The following ATP2B2 variants were observed in gnomAD, a reference collection of about 807,000 sequenced individuals.
ATP2B2 encodes the protein ATPase plasma membrane Ca2+ transporting 2, also known as plasma membrane calcium-transporting ATPase 2.
A neutral mutation model predicts 120.0 loss-of-function variants in ATP2B2; 15 were observed. The ratio of observed to expected loss-of-function variants is 0.12; its 90% CI spans 0.08 to 0.19. The LOEUF (loss-of-function observed/expected upper bound fraction) is 0.19. Ranked by LOEUF, ATP2B2 falls within the 10% of genes least tolerant of loss-of-function variation. ATP2B2 has a pLI of 1.00. For missense variants in ATP2B2, 1,045 were observed against 1,719.8 expected (o/e 0.61, Z 6.94); for synonymous variants, 694 against 700.3 (o/e 0.99, Z 0.14).
rs188972519 is a variant in ATP2B2, at chr3:10,598,718, A to G, written c.-415+21199T>C. Among the ~76,000 whole-genome samples, 335 of 152,362 alleles carry G rather than the reference A, an allele frequency of 2.2e-3. 7 individuals carry two copies. The highest frequency in any genetic ancestry group is 0.019 in the Admixed American group (295 of 15,306). ...AGTAAACAAGGAAGCGAGCAAACAC[A>G]TGGAAACCTGAGTCTGCACGGAATA... On this transcript the variant is annotated intron_variant, in intron 2 of 21. Transcript: ENST00000646379.
intron 2 of ATP2B2, among the ~76,000 whole-genome samples, chr3:10,424,165 T>A (rs2063076847): frequency 6.6e-6 from 1 of 152,194 alleles, no homozygotes; most frequent in Non-Finnish European, 1.5e-5. Flanking sequence ...ACACGGGCCT[T>A]GCATTTCCAT....
At chr3:10,363,747 G>A (rs1481859944) in intron 12 of ATP2B2, among the ~76,000 whole-genome samples, 1 of 152,166 alleles carries the variant, frequency 6.6e-6, no homozygotes, top group Non-Finnish European at 1.5e-5. Context: ...GTGAGGATGT[G>A]GAGAAACAGG....
At chr3:10,551,291 G>A (rs1231304193) in intron 2 of ATP2B2, among the ~76,000 whole-genome samples, 3 of 152,220 alleles carry the variant, frequency 2.0e-5, no homozygotes, top group African/African-American at 4.8e-5. Context: ...GATGAGAGAC[G>A]CAGCCTGCAG....
At chr3:10,615,868 A>T (rs1178589369) in intron 2 of ATP2B2, among the ~76,000 whole-genome samples, 1 of 151,982 alleles carries the variant, frequency 6.6e-6, no homozygotes, top group Non-Finnish European at 1.5e-5. Context: ...TTCAGGATGA[A>T]CTATTTTGCT....
intron 18 of ATP2B2, among the ~76,000 whole-genome samples, chr3:10,344,738 G>A (rs1232266456): frequency 6.6e-6 from 1 of 152,160 alleles, no homozygotes; most frequent in Non-Finnish European, 1.5e-5. Flanking sequence ...GTAAAATGAG[G>A]ATCATCACAG....
chr3:10,688,441 T>C (rs1389179926), intron 1 of ATP2B2, among the ~76,000 whole-genome samples: 3 of 152,198 alleles, frequency 2.0e-5, no homozygotes, highest in Non-Finnish European at 4.4e-5. Flanking sequence ...TTGTCTTACT[T>C]CATTCAACAT....
At chr3:10,695,153 A>G (rs926896892) in intron 1 of ATP2B2, among the ~76,000 whole-genome samples, 19 of 150,846 alleles carry the variant, frequency 1.3e-4, no homozygotes, top group Non-Finnish European at 2.7e-4. Context: ...ATGGACTTAC[A>G]GTTCCACGTG....
chr3:10,679,062 A>G (rs1343424862), intron 1 of ATP2B2, among the ~76,000 whole-genome samples: 2 of 152,122 alleles, frequency 1.3e-5, no homozygotes, highest in Non-Finnish European at 2.9e-5. Flanking sequence ...GAGAGAATCA[A>G]TGCACCATGA....
At chr3:10,501,455 T>C (rs184972184) in intron 1 of ATP2B2, among the ~76,000 whole-genome samples, 1 of 151,770 alleles carries the variant, frequency 6.6e-6, no homozygotes, top group Non-Finnish European at 1.5e-5. Flanking sequence ...ACTGCAGCCT[T>C]GACCTCCCGG....
intron 10 of ATP2B2, among the ~76,000 whole-genome samples, chr3:10,376,509 C>T (rs764689255): frequency 2.1e-4 from 32 of 152,102 alleles, no homozygotes; most frequent in Admixed American, 1.2e-3. Context: ...AATGCTGTAA[C>T]GGTAGGAACG....
intron 1 of ATP2B2, among the ~76,000 whole-genome samples, chr3:10,704,045 C>T (rs2071860055): frequency 6.6e-6 from 1 of 152,212 alleles, no homozygotes; most frequent in Admixed American, 6.5e-5. Flanking sequence ...GGCTCTTACC[C>T]CATCTTCCCC....
chr3:10,375,558 G>A lies in ATP2B2; in HGVS notation c.1288C>T (p.Pro430Ser). 1 of 1,613,762 alleles carries A rather than the reference G, an allele frequency of 6.2e-7. No individual in the cohort carries two copies. The highest frequency in any genetic ancestry group is 8.5e-7 in the Non-Finnish European group (1 of 1,180,024). The change falls in exon 11 of 23, where the codon CCT becomes TCT. Residue 430 changes from proline (P) to serine (S), a missense_variant. By Grantham distance (74) the Pro-to-Ser change is moderately conservative (BLOSUM62 -1). Coordinates refer to ENST00000360273, the MANE Select transcript of ATP2B2 (RefSeq NM_001001331.4). This position sits in a 1 kb window ranked among gnomAD's most constrained non-coding sequence, Gnocchi z 4.2. ...TFVVNKKPWL[P>S]ECTPVYVQYF... ...TGCACGTAGACGGGCGTGCACTCAG[G>A]CAGCCACGGCTTCTTGTTGACCACG... is the stretch of plus-strand genomic sequence containing the variant.
chr3:10,467,930 C>T (rs1023701619), intron 1 of ATP2B2, among the ~76,000 whole-genome samples: 5 of 152,260 alleles, frequency 3.3e-5, no homozygotes, highest in African/African-American at 9.6e-5. Flanking sequence ...TTATTTAAGC[C>T]GAGGTGCAGG....
At chr3:10,350,342 TC>T in intron 15 of ATP2B2, 55 bp downstream of exon 15, 5 of 1,611,778 alleles carry the variant, frequency 3.1e-6, no homozygotes, top group Non-Finnish European at 4.2e-6. Context: ...GCACCCTACC[TC>T]CCAGCTCCCA....
At chr3:10,537,310 TAA>T (rs1453531393) in intron 2 of ATP2B2, among the ~76,000 whole-genome samples, 4 of 152,198 alleles carry the variant, frequency 2.6e-5, no homozygotes, top group African/African-American at 9.6e-5. Context: ...TTTGCTATGT[TAA>T]GTCTTCCAAT....
At chr3:10,598,406 G>C (rs2068822748) in intron 2 of ATP2B2, among the ~76,000 whole-genome samples, 1 of 152,306 alleles carries the variant, frequency 6.6e-6, no homozygotes, top group Admixed American at 6.5e-5. Context: ...TTGTTACCAA[G>C]ATTAAGAAGG....
intron 3 of ATP2B2, among the ~76,000 whole-genome samples, chr3:10,518,064 G>A (rs924669321): frequency 1.3e-5 from 2 of 152,172 alleles, no homozygotes; most frequent in Non-Finnish European, 2.9e-5. Flanking sequence ...GGGAGGGCTT[G>A]AAACCTCACA....
At position 10,598,278 on chromosome 3, in the gene ATP2B2, G is replaced by T. The variant is rs1292179887; in HGVS notation, c.-415+21639C>A. 2.0e-5 allele frequency among the ~76,000 whole-genome samples: 3 copies of T among 152,190 alleles called. No homozygotes were observed. In the East Asian group the frequency reaches 5.8e-4, roughly 29 times the overall value. On this transcript the variant is annotated intron_variant, in intron 2 of 21. Transcript: ENST00000646379. The stretch of plus-strand genomic sequence containing the variant: ...CAGGATGTAAGGGCCAGAGTCCCTG[G>T]GTTCAAATTCCAGTTTCTCTGCTTC...
chr3:10,370,519 C>T (rs1408090214), intron 12 of ATP2B2, among the ~76,000 whole-genome samples: 1 of 152,258 alleles, frequency 6.6e-6, no homozygotes, highest in Admixed American at 6.5e-5. Context: ...CTCTGACCTA[C>T]TTTCCCCGTT....
Sources: gnomAD v4.1 joint callset for allele counts (sites outside exome capture counted in the v4.1 genomes callset) on GRCh38, gnomAD v4.1.1 for gene constraint, Gnocchi (gnomAD v3.1) non-coding constraint, MANE v1.5 for transcripts, NCBI Gene and HGNC (gene_info 2026-07-23, HGNC 2026-07-21) for gene names.